The following UGT1A8 variants were observed in gnomAD, a reference collection of about 807,000 sequenced individuals.
UGT1A8 encodes UDP-glucuronosyltransferase 1A8.
A neutral mutation model predicts 45.3 loss-of-function variants in UGT1A8; 39 were observed. That is an observed-to-expected ratio of 0.86 (90% CI 0.67 to 1.12). The LOEUF (loss-of-function observed/expected upper bound fraction) is 1.12. UGT1A8 is among the 50% of genes most tolerant of loss of function. UGT1A8 has a pLI of 0.00. For synonymous variants in UGT1A8, 275 were observed against 249.2 expected (o/e 1.10, Z -0.97); for missense variants, 719 against 664.9 (o/e 1.08, Z -0.90).
chr2:233,748,218 T>C (rs1484955806), intron 1 of UGT1A8: 56 of 1,469,990 alleles, frequency 3.8e-5, no homozygotes, highest in Admixed American at 8.3e-5. Context: ...TTCAGTGAGA[T>C]AAACTGTTAA....
intron 1 of UGT1A8, among the ~76,000 whole-genome samples, chr2:233,716,034 G>A (rs1575511735): frequency 6.6e-6 from 1 of 152,264 alleles, no homozygotes; most frequent in Non-Finnish European, 1.5e-5. Context: ...TTTGATGTCA[G>A]CATTCTGATT....
intron 1 of UGT1A8, among the ~76,000 whole-genome samples, chr2:233,645,837 C>T (rs2073587245): frequency 6.6e-6 from 1 of 152,172 alleles, no homozygotes; most frequent in Non-Finnish European, 1.5e-5. Flanking sequence ...GGTGGACCTA[C>T]CATTCTGAGG....
chr2:233,640,714 G>A (rs2073428528), intron 1 of UGT1A8, among the ~76,000 whole-genome samples: 1 of 152,148 alleles, frequency 6.6e-6, no homozygotes, highest in East Asian at 1.9e-4. Context: ...GGCCAACCCA[G>A]GGATCTAGGT....
rs927700420 is a variant in UGT1A8, at chr2:233,691,672, T to A, written c.855+73110T>A. On this transcript the variant is annotated intron_variant, in intron 1 of 4. Coordinates refer to ENST00000373450, the MANE Select transcript of UGT1A8 (RefSeq NM_019076.5). ...GTGACCCTCCCTTTCTGGGCCTCAG[T>A]TGAGAAACCTGAAGCTCAGGAGAGG... 3.1e-6 allele frequency: 3 copies of A among 974,090 alleles called. No individual in the cohort carries two copies. In the South Asian group the frequency reaches 1.5e-4, roughly 47 times the overall value. The allele number at this position is 974,090 out of a possible 1,614,324, so 60.3% of individuals were successfully genotyped here. A position where few individuals can be genotyped will look rare whatever the true frequency, so the allele number is the denominator to read the frequency against.
Position 233,772,679 on chromosome 2 carries a change from T to C in UGT1A8, c.*120T>C. On this transcript the variant is annotated 3_prime_UTR_variant, in exon 5 of 5. Transcript: ENST00000373450. ...TAAGGAAATACTTTGCATAAATTAATCAGCCCCAGAGTGCTTTAAAAAATT... is the reference window on the plus strand; with the variant it reads ...TAAGGAAATACTTTGCATAAATTAACCAGCCCCAGAGTGCTTTAAAAAATT... The C allele has an allele frequency of 6.5e-7, 1 of 1,531,230 alleles. No homozygotes were observed. Among genetic ancestry groups the C allele is most frequent in the Non-Finnish European group, 8.8e-7 (1 of 1,141,982 alleles). 94.9% of individuals were successfully genotyped at this position (1,531,230 alleles called of 1,614,324 possible).
chr2:233,749,588 C>G (rs932170958), intron 1 of UGT1A8, among the ~76,000 whole-genome samples: 1 of 151,804 alleles, frequency 6.6e-6, no homozygotes, highest in African/African-American at 2.4e-5. Context: ...TCTGTCTCAA[C>G]ATGAAGTCAC....
chr2:233,706,616 G>C (rs2075915881), intron 1 of UGT1A8, among the ~76,000 whole-genome samples: 1 of 152,154 alleles, frequency 6.6e-6, no homozygotes, highest in Admixed American at 6.6e-5. Flanking sequence ...AAGAAGACTA[G>C]AGAAATGAGT....
rs1350270227 is a variant in UGT1A8 at position 233,745,087 on chromosome 2, TC to T, written c.856-21941del. On this transcript the variant is annotated intron_variant, in intron 1 of 4. Transcript: ENST00000373450. Reference sequence around the variant, plus strand: ...ATTTGTATTGTTTTTTCATTGCTCTTCCCCCCAAATATTTTTAATCTGCTGT... The same window carrying T: ...ATTTGTATTGTTTTTTCATTGCTCTTCCCCCAAATATTTTTAATCTGCTGT... 1.1e-4 allele frequency among the ~76,000 whole-genome samples: 17 copies of T among 151,820 alleles called. 1 individual carries two copies. Among genetic ancestry groups the T allele is most frequent in the African/African-American group, 4.1e-4 (17 of 41,100 alleles).
At chr2:233,726,846 T>A (rs970892928) in intron 1 of UGT1A8, among the ~76,000 whole-genome samples, 3 of 152,320 alleles carry the variant, frequency 2.0e-5, no homozygotes, top group Admixed American at 6.5e-5. Flanking sequence ...TTTTTGTTCC[T>A]TTTCTCCATA....
At chr2:233,759,230 A>AG (rs1697089721) in intron 1 of UGT1A8, among the ~76,000 whole-genome samples, 1 of 152,196 alleles carries the variant, frequency 6.6e-6, no homozygotes, top group African/African-American at 2.4e-5. Flanking sequence ...CAAATGAAGG[A>AG]TGGAAACTTG....
intron 1 of UGT1A8, chr2:233,719,580 G>T (rs369777528): frequency 6.2e-7 from 1 of 1,613,916 alleles, no homozygotes; most frequent in South Asian, 1.1e-5. Flanking sequence ...CTATGCATCC[G>T]TGTGGCTGTT....
chr2:233,756,239 T>C (rs1242345996), intron 1 of UGT1A8: 1 of 152,226 alleles, frequency 6.6e-6, no homozygotes, highest in East Asian at 1.9e-4. Context: ...ACAACCCTCC[T>C]TCCCCATACC....
intron 1 of UGT1A8, among the ~76,000 whole-genome samples, chr2:233,640,473 A>G (rs1197127913): frequency 6.6e-6 from 1 of 152,218 alleles, no homozygotes; most frequent in Non-Finnish European, 1.5e-5. Context: ...CTTTAATATT[A>G]TCTCATTTCT....
rs17863778 is a variant in UGT1A8, at chr2:233,682,328, C to A, written c.855+63766C>A. 1,002,390 of 1,612,746 alleles carry A rather than the reference C, an allele frequency of 0.62. 314,246 individuals are homozygous for A. The highest frequency in any genetic ancestry group is 0.65 in the South Asian group (59,101 of 91,048). On this transcript the variant is annotated intron_variant, in intron 1 of 4. Coordinates refer to ENST00000373450, the MANE Select transcript of UGT1A8 (RefSeq NM_019076.5). ...AAATTGCAGGAGTTTGTTTAATGAC[C>A]GAAAATTAGTAGAATACTTAAAGGA... is the stretch of plus-strand genomic sequence containing the variant.
At chr2:233,642,710 C>A (rs983337293) in intron 1 of UGT1A8, among the ~76,000 whole-genome samples, 4 of 152,222 alleles carry the variant, frequency 2.6e-5, no homozygotes, top group Admixed American at 2.6e-4. Flanking sequence ...GTAATCTAAG[C>A]TGTTTCTGCT....
intron 1 of UGT1A8, among the ~76,000 whole-genome samples, chr2:233,626,942 A>T (rs2073094885): frequency 6.6e-6 from 1 of 152,076 alleles, no homozygotes; most frequent in African/African-American, 2.4e-5. Context: ...CAATCCAGAA[A>T]AAGTGTTCTT....
intron 1 of UGT1A8, among the ~76,000 whole-genome samples, chr2:233,750,971 T>TG (rs1694602658): frequency 6.6e-6 from 1 of 151,624 alleles, no homozygotes; most frequent in South Asian, 2.1e-4. Flanking sequence ...CACTGCCTAG[T>TG]GGAGTTGTGA....
At position 233,636,389 on chromosome 2, in the gene UGT1A8, T is replaced by C. The variant is rs896463936; in HGVS notation, c.855+17827T>C. ...TTATGAGTAAATCATTGGCAGTGAG[T>C]GTGATTTTTTTTTTTTTATGAAAGG... On this transcript the variant is annotated intron_variant, in intron 1 of 4. Transcript: ENST00000373450. 6.5e-6 allele frequency: 8 copies of C among 1,230,540 alleles called. No individual in the cohort carries two copies. In the African/African-American group the frequency reaches 1.5e-4, roughly 24 times the overall value. The allele number at this position is 1,230,540 out of a possible 1,614,324, so 76.2% of individuals were successfully genotyped here.
intron 1 of UGT1A8, chr2:233,747,094 A>T: frequency 7.8e-7 from 1 of 1,281,688 alleles, no homozygotes; most frequent in Non-Finnish European, 1.1e-6. Flanking sequence ...AGAGCACTCT[A>T]TCTTCCAATT....
Sources: gnomAD v4.1 joint callset for allele counts (sites outside exome capture counted in the v4.1 genomes callset) on GRCh38, gnomAD v4.1.1 for gene constraint, MANE v1.5 for transcripts, NCBI Gene and HGNC (gene_info 2026-07-23, HGNC 2026-07-21) for gene names.